The following TERT variants were observed in gnomAD, a reference collection of about 807,000 sequenced individuals.
The protein encoded by TERT is telomerase catalytic subunit.
In TERT, 42 loss-of-function variants were observed where a neutral mutation model predicts 104.0. The observed-to-expected ratio is 0.40, with a 90% confidence interval of 0.32 to 0.52. The LOEUF (loss-of-function observed/expected upper bound fraction) is 0.52, where lower values mean the gene tolerates loss of function less well. Ranked by LOEUF, TERT falls within the 20% of genes least tolerant of loss-of-function variation. The pLI is 0.43. For synonymous variants in TERT, 781 were observed against 725.6 expected (o/e 1.08, Z -1.23); for missense variants, 1,101 against 1,610.3 (o/e 0.68, Z 5.41).
Position 1,278,650 on chromosome 5 carries a change from G to C in TERT, c.2277C>G (p.Phe759Leu). 1 of 1,614,144 alleles carries C rather than the reference G, an allele frequency of 6.2e-7. No homozygotes were observed. Among genetic ancestry groups the C allele is most frequent in the Non-Finnish European group, 8.5e-7 (1 of 1,180,050 alleles). ...KAAHGHVRKA[F>L]KSHVSTLTDL... ...CACACGTGAACCTTACGTGGCTCTT[G>C]AAGGCCTTGCGGACGTGCCCATGGG... The change falls in exon 6 of 16, where the codon TTC becomes TTG. Residue 759 changes from phenylalanine (F) to leucine (L), a missense_variant. Physicochemically the swap from Phe to Leu is conservative, Grantham distance 22. Around this residue, in one of 5 missense-constraint regions of TERT, gnomAD observed 463 missense variants for 797.5 expected, o/e 0.58. Transcript: ENST00000310581.
rs35440658 is a variant in TERT at position 1,270,432 on chromosome 5, G to C, written c.2468+687C>G. Reference sequence around the variant, plus strand: ...ACTCTCCCCAGGCACACACAGGGTCGCAGGCAGATGCCTGCCGGGAGGTGT... The same window carrying C: ...ACTCTCCCCAGGCACACACAGGGTCCCAGGCAGATGCCTGCCGGGAGGTGT... On this transcript the variant is annotated intron_variant, in intron 8 of 15. Transcript: ENST00000310581. This position sits in a 1 kb window ranked among gnomAD's most constrained non-coding sequence, Gnocchi z 8.3. 2.6e-5 allele frequency among the ~76,000 whole-genome samples: 4 copies of C among 152,252 alleles called. No individual in the cohort carries two copies. In the South Asian group the frequency reaches 6.2e-4, roughly 24 times the overall value.
intron 2 of TERT, among the ~76,000 whole-genome samples, chr5:1,284,127 C>T (rs1579582977): frequency 7.9e-6 from 1 of 125,976 alleles, no homozygotes; most frequent in Non-Finnish European, 1.7e-5. Flanking sequence ...ACCTCCAGCT[C>T]ACCGAGGGCC....
At position 1,253,414 on chromosome 5, in the gene TERT, C is replaced by T. The variant is rs1159854878; in HGVS notation, c.*314G>A. On this transcript the variant is annotated 3_prime_UTR_variant, in exon 16 of 16. Coordinates refer to ENST00000310581, the MANE Select transcript of TERT (RefSeq NM_198253.3). ...ATGGCGAATCTGGGGATGGACTATT[C>T]CTATGTGGGGAGTGGAAGCCGGGCT... is the stretch of plus-strand genomic sequence containing the variant. 1 of 519,852 alleles carries T rather than the reference C, an allele frequency of 1.9e-6. No individual in the cohort carries two copies. Among genetic ancestry groups the T allele is most frequent in the Non-Finnish European group, 3.5e-6 (1 of 285,608 alleles). The allele number at this position is 519,852 out of a possible 1,614,324, so 32.2% of individuals were successfully genotyped here. A position where few individuals can be genotyped will look rare whatever the true frequency, so the allele number is the denominator to read the frequency against.
At chr5:1,258,115 T>C (rs561821828) in intron 13 of TERT, among the ~76,000 whole-genome samples, 1 of 152,296 alleles carries the variant, frequency 6.6e-6, no homozygotes, top group South Asian at 2.1e-4. Context: ...AGAGCACAGG[T>C]GCTGGCCGGG....
chr5:1,260,686 C>T, intron 11 of TERT, 86 bp from the exon 12 acceptor site: 1 of 1,582,280 alleles, frequency 6.3e-7, no homozygotes, highest in African/African-American at 1.3e-5. Context: ...GAGCCTCCTG[C>T]CTTCCTCCCG....
At position 1,270,771 on chromosome 5, in the gene TERT, C is replaced by T. The variant is rs2126613118; in HGVS notation, c.2468+348G>A. On this transcript the variant is annotated intron_variant, in intron 8 of 15. Coordinates refer to ENST00000310581, the MANE Select transcript of TERT (RefSeq NM_198253.3). This position sits in a 1 kb window ranked among gnomAD's most constrained non-coding sequence, Gnocchi z 8.3. ...CGTGTGAGAGCCGGGTGTCCAGCGT[C>T]AGTAGTAACTTGGAGCTGACAAGCT... Among the ~76,000 whole-genome samples the T allele has an allele frequency of 6.6e-6, 1 of 152,366 alleles. No homozygotes were observed. The highest frequency in any genetic ancestry group is 1.5e-5 in the Non-Finnish European group (1 of 68,032).
chr5:1,291,268 G>A (rs1351835456), intron 2 of TERT, among the ~76,000 whole-genome samples: 4 of 87,650 alleles, frequency 4.6e-5, no homozygotes, highest in Admixed American at 2.2e-4. Flanking sequence ...CCCGGGGACA[G>A]CGCCTCACTC....
intron 2 of TERT, among the ~76,000 whole-genome samples, chr5:1,291,953 G>A (rs994039848): frequency 1.3e-5 from 2 of 152,196 alleles, no homozygotes; most frequent in African/African-American, 2.4e-5. Context: ...CACCTGAGCC[G>A]CAGCAGGTGT....
At chr5:1,291,292 G>C (rs1292387053) in intron 2 of TERT, among the ~76,000 whole-genome samples, 6 of 41,308 alleles carry the variant, frequency 1.5e-4, no homozygotes, top group East Asian at 8.0e-4. Flanking sequence ...CTACACCTGG[G>C]AGGGACACCC....
intron 8 of TERT, 33 bp downstream of exon 8, chr5:1,271,086 C>T (rs767675233): frequency 5.1e-6 from 8 of 1,577,268 alleles, no homozygotes; most frequent in Non-Finnish European, 7.0e-6. Context: ...CCCAGCCACC[C>T]GCAGGGCAAT....
chr5:1,254,233 G>A (rs1482545937), intron 15 of TERT, 135 bp downstream of exon 15: 17 of 1,199,212 alleles, frequency 1.4e-5, no homozygotes, highest in Middle Eastern at 2.1e-4. Context: ...GGCTGCCAGC[G>A]TGGCTCCAGG....
At chr5:1,289,301 C>A (rs1750705883) in intron 2 of TERT, among the ~76,000 whole-genome samples, 1 of 142,280 alleles carries the variant, frequency 7.0e-6, no homozygotes, top group Admixed American at 6.9e-5. Flanking sequence ...GACGGCGCCT[C>A]ACTCACCCTA....
rs968476918 is a variant in TERT at position 1,288,471 on chromosome 5, G to A, written c.1573+4842C>T. Among the ~76,000 whole-genome samples, 1 of 152,198 alleles carries A rather than the reference G, an allele frequency of 6.6e-6. No individual in the cohort carries two copies. The highest frequency in any genetic ancestry group is 2.4e-5 in the African/African-American group (1 of 41,450). On this transcript the variant is annotated intron_variant, in intron 2 of 15. Transcript: ENST00000310581. This position sits in a 1 kb window ranked among gnomAD's most constrained non-coding sequence, Gnocchi z 5.3. ...GCCCTCCACGTGGGTCTCAGAGCAGGAGACAGACAGAGACACTCCAACCTG... is the reference window on the plus strand; with the variant it reads ...GCCCTCCACGTGGGTCTCAGAGCAGAAGACAGACAGAGACACTCCAACCTG...
chr5:1,291,433 A>G (rs796687492), intron 2 of TERT, among the ~76,000 whole-genome samples: 25 of 43,886 alleles, frequency 5.7e-4, no homozygotes, highest in Non-Finnish European at 6.4e-4. Flanking sequence ...ACACCCGGGG[A>G]CCACGCCTCA....
chr5:1,289,010 G>C (rs538063111), intron 2 of TERT, among the ~76,000 whole-genome samples: 1 of 152,190 alleles, frequency 6.6e-6, no homozygotes, highest in South Asian at 2.1e-4. Context: ...GGCAACCGGC[G>C]CAGCTGTGGC....
rs776804142 is a variant in TERT, at chr5:1,254,510, G to T, written c.3158-5C>A. 2 of 1,610,680 alleles carry T rather than the reference G, an allele frequency of 1.2e-6. No individual in the cohort carries two copies. Among genetic ancestry groups the T allele is most frequent in the South Asian group, 2.2e-5 (2 of 90,864 alleles). ...CCTTGGCCCCCAGCGACATCCCTGG[G>T]GGAAAACAGAGGCTGAGGAGTCACA... On this transcript the variant is annotated splice_polypyrimidine_tract_variant and splice_region_variant and intron_variant, in intron 14 of 15. Transcript: ENST00000310581.
At chr5:1,260,387 T>G in intron 12 of TERT, 87 bp downstream of exon 12, 1 of 1,597,322 alleles carries the variant, frequency 6.3e-7, no homozygotes, top group Non-Finnish European at 8.5e-7. Context: ...CCATCAGCCT[T>G]GCAGGCACGC....
rs1448205619 is a variant in TERT, at chr5:1,274,147, T to C, written c.2287-1867A>G. On this transcript the variant is annotated intron_variant, in intron 6 of 15. Transcript: ENST00000310581. This position sits in a 1 kb window ranked among gnomAD's most constrained non-coding sequence, Gnocchi z 5.3. The stretch of plus-strand genomic sequence containing the variant: ...AAAGACGCGCACGGTGACTCTGTGC[T>C]TCAGCATGTTCCCCAGCCCCCAGGA... Among the ~76,000 whole-genome samples the C allele has an allele frequency of 6.6e-6, 1 of 152,216 alleles. No individual in the cohort carries two copies. The highest frequency in any genetic ancestry group is 1.9e-4 in the East Asian group (1 of 5,192).
In TERT at chr5:1,287,612, G is replaced by C. The variant is rs1296608073; in HGVS notation, c.1574-4988C>G. 6.6e-6 allele frequency among the ~76,000 whole-genome samples: 1 copy of C among 151,074 alleles called. No individual in the cohort carries two copies. The highest frequency in any genetic ancestry group is 1.5e-5 in the Non-Finnish European group (1 of 67,818). On this transcript the variant is annotated intron_variant, in intron 2 of 15. Transcript: ENST00000310581. This position sits in a 1 kb window ranked among gnomAD's most constrained non-coding sequence, Gnocchi z 4.3. ...CAGTACTAAGAGCAATTTAAAAAAAGAATTACTAGATTACTAGAGACATAG... is the reference window on the plus strand; with the variant it reads ...CAGTACTAAGAGCAATTTAAAAAAACAATTACTAGATTACTAGAGACATAG...
Sources: allele counts gnomAD v4.1 joint callset (sites outside exome capture counted in the v4.1 genomes callset), GRCh38; gene constraint gnomAD v4.1.1; regional missense constraint gnomAD v4.1.1; non-coding constraint Gnocchi (gnomAD v3.1); transcripts MANE v1.5; gene names NCBI Gene and HGNC (gene_info 2026-07-23, HGNC 2026-07-21).